Variants in BOD1L1 observed in about 807,000 individuals in gnomAD.
BOD1L1 encodes the protein biorientation of chromosomes in cell division 1 like 1.
BOD1L1 carries 86 observed loss-of-function variants against 240.7 expected under a neutral mutation model. The observed-to-expected ratio is 0.36, with a 90% CI of 0.30 to 0.43. The LOEUF is 0.43. Among genes scored for constraint, BOD1L1 ranks in the 20% least tolerant of loss-of-function variants. The pLI is 1.00. For missense variants in BOD1L1, 3,554 were observed against 3,643.5 expected, an observed-to-expected ratio of 0.98 and a Z score of 0.63; for synonymous variants, 1,268 against 1,272.3, an observed-to-expected ratio of 1.00 and a Z score of 0.07.
chr4:13,610,855 A>G, intron 6 of BOD1L1, 79 bp downstream of exon 6: 2 of 1,267,206 alleles, frequency 1.6e-6, no homozygotes, highest in East Asian at 2.4e-5. Context: ...TCATATGCAC[A>G]TCAGTACCTT....
intron 1 of BOD1L1, among the ~76,000 whole-genome samples, chr4:13,622,225 T>C (rs1250252120): frequency 6.6e-6 from 1 of 152,176 alleles, no homozygotes; most frequent in Non-Finnish European, 1.5e-5. Context: ...TTCTTTCCGG[T>C]ATTCCCAAAT....
rs755824913 is a variant in BOD1L1 at position 13,599,625 on chromosome 4, A to C, written c.7275T>G (p.Ala2425=). 5 of 1,613,994 alleles carry C rather than the reference A, an allele frequency of 3.1e-6. No individual in the cohort carries two copies. The highest frequency in any genetic ancestry group is 4.2e-6 in the Non-Finnish European group (5 of 1,179,894). Residue 2425 remains alanine (A), a synonymous_variant, in exon 10 of 26, where the codon GCT becomes GCG. Transcript: ENST00000040738. ...KPSAGQGHPS[A]VCAEKEEKHG... is the part of the protein sequence containing the mutation. ...GCTTCTCTTCTTTTTCCGCACAAAC[A>C]GCACTTGGATGGCCTTGCCCTGCAG...
At position 13,602,701 on chromosome 4, in the gene BOD1L1, A is replaced by G. The variant is rs1225395653; in HGVS notation, c.4199T>C (p.Ile1400Thr). ...GTCCACTAAGCCACCTTCTTTGGTA[A>G]TATTCTCATTTTCCACAATCACGCC... ...LTGVIVENEN[I>T]TKEGGLVDMA... is the part of the protein sequence containing the mutation. The change falls in exon 10 of 26, where the codon ATT becomes ACT. Residue 1400 changes from isoleucine to threonine, a missense_variant. Ile to Thr is a moderately conservative substitution (Grantham distance 89). This residue lies in a region of BOD1L1 where 3,393 missense variants were observed against 3,427.1 expected (regional missense o/e 0.99). Coordinates refer to ENST00000040738, the MANE Select transcript of BOD1L1 (RefSeq NM_148894.3). The G allele has an allele frequency of 1.2e-6, 2 of 1,613,878 alleles. No homozygotes were observed. The highest frequency in any genetic ancestry group is 1.7e-5 in the Admixed American group (1 of 60,006).
Position 13,607,181 on chromosome 4 carries a change from T to G in BOD1L1, c.1751A>C (p.Glu584Ala). ...KKRKKDSRNV[E>A]ENSKKKQQYE... ...TTGCTGTTTCTTTTTGGAGTTCTCT[T>G]CAACATTCCTAAGGGGGAAAGAGTC... The change falls in exon 9 of 26, where the codon GAA becomes GCA. Residue 584 changes from glutamate to alanine, a missense_variant. Coordinates refer to ENST00000040738, the MANE Select transcript of BOD1L1 (RefSeq NM_148894.3). 1.3e-6 allele frequency: 2 copies of G among 1,569,174 alleles called. No homozygotes were observed. Among genetic ancestry groups the G allele is most frequent in the Non-Finnish European group, 1.7e-6 (2 of 1,157,622 alleles).
At chr4:13,605,903 ACCTT>A (rs1185921682) in intron 9 of BOD1L1, among the ~76,000 whole-genome samples, 1 of 152,146 alleles carries the variant, frequency 6.6e-6, no homozygotes, top group Non-Finnish European at 1.5e-5. Flanking sequence ...GAGCATCTAA[ACCTT>A]CCTTCTGGCC....
At chr4:13,612,783 G>A (rs370252218) in intron 5 of BOD1L1, among the ~76,000 whole-genome samples, 17 of 152,068 alleles carry the variant, frequency 1.1e-4, no homozygotes, top group African/African-American at 3.9e-4. Context: ...CGGAGTGTTG[G>A]GTCATGGAGT....
At chr4:13,616,523 C>T (rs560662858) in intron 2 of BOD1L1, among the ~76,000 whole-genome samples, 19 of 152,328 alleles carry the variant, frequency 1.2e-4, no homozygotes, top group Non-Finnish European at 2.8e-4. Flanking sequence ...AAGAAACACA[C>T]TTAAATCTTG....
Position 13,627,489 on chromosome 4 carries a change from C to T in BOD1L1, c.99G>A (p.Gly33=), listed in dbSNP as rs1577393700. The T allele has an allele frequency of 2.0e-6, 2 of 996,734 alleles. No individual in the cohort carries two copies. Among genetic ancestry groups the T allele is most frequent in the South Asian group, 4.5e-5 (1 of 22,210 alleles). The allele number at this position is 996,734 out of a possible 1,614,324, so 61.7% of individuals were successfully genotyped here. Residue 33 remains glycine (G), a synonymous_variant, in exon 1 of 26, where the codon GGG becomes GGA. Transcript: ENST00000040738. ...PQPPPPPPGP[G]AGPGAGGAGG... Reference sequence around the variant, plus strand: ...CCGCCCCGCCCGCGCCGGGGCCAGCCCCGGGGCCCGGCGGCGGCGGCGGTG... The same window carrying T: ...CCGCCCCGCCCGCGCCGGGGCCAGCTCCGGGGCCCGGCGGCGGCGGCGGTG...
Position 13,587,730 on chromosome 4 carries a change from CTTTCTT to C in BOD1L1, c.8316_8321del (p.Arg2773_Lys2774del). 2 of 1,559,928 alleles carry C rather than the reference CTTTCTT, an allele frequency of 1.3e-6. No individual in the cohort carries two copies. The highest frequency in any genetic ancestry group is 1.7e-6 in the Non-Finnish European group (2 of 1,149,532). On this transcript the variant is annotated inframe_deletion, in exon 16 of 26. Coordinates refer to ENST00000040738, the MANE Select transcript of BOD1L1 (RefSeq NM_148894.3). ...CATCTTCTGAAGAGAGATAATGCTGCTTTCTTTTTCTTTTAGGCATATGCCTTTCTT... is the reference window on the plus strand; with the variant it reads ...CATCTTCTGAAGAGAGATAATGCTGCTTTCTTTTAGGCATATGCCTTTCTT...
rs761266612 is a variant in BOD1L1 at position 13,601,935 on chromosome 4, G to A, written c.4965C>T (p.Thr1655=). Residue 1655 remains threonine (T), a synonymous_variant, in exon 10 of 26, where the codon ACC becomes ACT. Coordinates refer to ENST00000040738, the MANE Select transcript of BOD1L1 (RefSeq NM_148894.3). Reference sequence around the variant, plus strand: ...CACATTTTTCTTCAGAGCCTGCACTGGTTACAGCATCATCCTTTTCCTCTG... The same window carrying A: ...CACATTTTTCTTCAGAGCCTGCACTAGTTACAGCATCATCCTTTTCCTCTG... ...VVTEEKDDAV[T]SAGSEEKCDG... 6.2e-7 allele frequency: 1 copy of A among 1,613,748 alleles called. No individual in the cohort carries two copies. Among genetic ancestry groups the A allele is most frequent in the East Asian group, 2.2e-5 (1 of 44,896 alleles).
intron 1 of BOD1L1, chr4:13,623,401 G>C (rs1399039382): frequency 6.6e-6 from 1 of 152,204 alleles, no homozygotes; most frequent in Non-Finnish European, 1.5e-5. Flanking sequence ...TGGCTGGCGA[G>C]CTCCCTGAAG....
chr4:13,573,470 A>ATCTTTCTTTCTTTCTT (rs139972436), intron 25 of BOD1L1, among the ~76,000 whole-genome samples: 4 of 122,728 alleles, frequency 3.3e-5, no homozygotes, highest in African/African-American at 1.2e-4. Flanking sequence ...CTATCTATCT[A>ATCTTTCTTTCTTTCTT]TCTTTCTTTC....
chr4:13,601,197 A>G lies in BOD1L1; in HGVS notation c.5703T>C (p.Ser1901=). The change falls in exon 10 of 26, where the codon AGT becomes AGC. Residue 1901 remains serine, a synonymous_variant. Transcript: ENST00000040738. ...TACCAATCTGACTGTCCCCTTCTGC[A>G]CTTTCACAAATCAAGACCCCTTCAC... ...EESEGVLICE[S]AEGDSQIGTV... is the part of the protein sequence containing the mutation. The G allele has an allele frequency of 6.2e-7, 1 of 1,613,968 alleles. No homozygotes were observed. Among genetic ancestry groups the G allele is most frequent in the South Asian group, 1.1e-5 (1 of 91,072 alleles).
chr4:13,601,604 CATT>C lies in BOD1L1; in HGVS notation c.5293_5295del (p.Asn1765del). ...CTGGCACTTGTTCCTGGTGGTGCAT[CATT>C]ATCTCCCAGGACAACACCTGCACCT... On this transcript the variant is annotated inframe_deletion, in exon 10 of 26. Transcript: ENST00000040738. 6.2e-7 allele frequency: 1 copy of C among 1,613,994 alleles called. No homozygotes were observed. Among genetic ancestry groups the C allele is most frequent in the South Asian group, 1.1e-5 (1 of 91,082 alleles).
rs1296954991 is a variant in BOD1L1, at chr4:13,597,087, T to C, written c.8019+17A>G. 1 of 1,571,652 alleles carries C rather than the reference T, an allele frequency of 6.4e-7. No individual in the cohort carries two copies. The highest frequency in any genetic ancestry group is 8.7e-7 in the Non-Finnish European group (1 of 1,154,692). On this transcript the variant is annotated intron_variant, in intron 11 of 25. Transcript: ENST00000040738. ...TTAATCACTTACAGTTCAGCACAGCTGAATTATAAGCCATACCTCCATTTT... is the reference window on the plus strand; with the variant it reads ...TTAATCACTTACAGTTCAGCACAGCCGAATTATAAGCCATACCTCCATTTT...
At chr4:13,608,710 T>C (rs753278974) in intron 7 of BOD1L1, 42 bp from the exon 8 acceptor site, 1 of 1,358,238 alleles carries the variant, frequency 7.4e-7, no homozygotes, top group Non-Finnish European at 9.5e-7. Flanking sequence ...CAGAAAAGTT[T>C]TACAAACAAT....
In BOD1L1 at chr4:13,614,303, T is replaced by G; in HGVS notation, c.1067A>C (p.Gln356Pro). Residue 356 changes from glutamine (Q) to proline (P), a missense_variant, in exon 4 of 26, where the codon CAG becomes CCG. Physicochemically the swap from Gln to Pro is moderately conservative, Grantham distance 76 (BLOSUM62 -1). This residue lies in a region of BOD1L1 where 3,393 missense variants were observed against 3,427.1 expected (regional missense o/e 0.99). Transcript: ENST00000040738. The part of the protein sequence containing the change: ...FDHSKKSEDT[Q>P]KVKDEKQAKE... ...TGCTTGTTTTTCATCTTTAACTTTC[T>G]GTGTATCTTCACTCTTTTTTGAGTG... 6 of 1,549,544 alleles carry G rather than the reference T, an allele frequency of 3.9e-6. No homozygotes were observed. Among genetic ancestry groups the G allele is most frequent in the Non-Finnish European group, 5.2e-6 (6 of 1,146,574 alleles).
rs1173862073 is a variant in BOD1L1 at position 13,600,042 on chromosome 4, C to G, written c.6858G>C (p.Glu2286Asp). The G allele has an allele frequency of 6.2e-7, 1 of 1,610,610 alleles. No homozygotes were observed. The highest frequency in any genetic ancestry group is 8.5e-7 in the Non-Finnish European group (1 of 1,178,214). The change falls in exon 10 of 26, where the codon GAG becomes GAC. Residue 2286 changes from glutamate to aspartate, a missense_variant. This residue lies in a region of BOD1L1 where 3,393 missense variants were observed against 3,427.1 expected (regional missense o/e 0.99). Transcript: ENST00000040738. ...TGGAAATCATGGCGGTGTCACCCAT[C>G]TCTTCCGCTGGTGTGACTGAGGGGT... ...EGDPSVTPAE[E>D]MGDTAMISTS...
chr4:13,615,259 AT>A (rs1191436672), intron 3 of BOD1L1, 52 bp downstream of exon 3: 1 of 1,460,724 alleles, frequency 6.8e-7, no homozygotes, highest in East Asian at 2.4e-5. Flanking sequence ...CTAACTTGAT[AT>A]TCAGTTCAAG....
Sources: gnomAD v4.1 joint callset for allele counts (sites outside exome capture counted in the v4.1 genomes callset) on GRCh38, gnomAD v4.1.1 for gene constraint, gnomAD v4.1.1 regional missense constraint, MANE v1.5 for transcripts, NCBI Gene and HGNC (gene_info 2026-07-23, HGNC 2026-07-21) for gene names.